SBF2: variants seen among roughly 807,000 people sequenced by gnomAD.
The protein encoded by SBF2 is SET binding factor 2.
Under a neutral mutation model 225.2 loss-of-function variants are expected in SBF2, and 112 were observed. The observed-to-expected ratio is 0.50, with a 90% confidence interval of 0.43 to 0.58. The LOEUF (loss-of-function observed/expected upper bound fraction) is 0.58, where lower values mean the gene tolerates loss of function less well. SBF2 is among the 20% of genes least tolerant of loss of function. The pLI is 0.00. For synonymous variants in SBF2, 763 were observed against 773.3 expected, an observed-to-expected ratio of 0.99 and a Z score of 0.22; for missense variants, 1,996 against 2,206.2, an observed-to-expected ratio of 0.90 and a Z score of 1.91.
intron 19 of SBF2, 23 bp from the exon 20 acceptor site, chr11:9,853,735 T>A (rs1857124035): frequency 1.2e-6 from 2 of 1,609,308 alleles, no homozygotes; most frequent in Admixed American, 1.7e-5. Context: ...AGGAAAGAAA[T>A]CATGGTCAGT....
At chr11:9,950,005 C>T (rs1307434077) in intron 16 of SBF2, among the ~76,000 whole-genome samples, 1 of 151,980 alleles carries the variant, frequency 6.6e-6, no homozygotes, top group African/African-American at 2.4e-5. Context: ...TAAAAAAGCA[C>T]ATTTAAATGC....
chr11:10,009,046 G>C (rs72857194), intron 6 of SBF2, among the ~76,000 whole-genome samples: 8,074 of 152,226 alleles, frequency 0.053, 302 homozygotes, highest in Middle Eastern at 0.16. Context: ...ATGTCCCATA[G>C]CCCTTTTGGG....
intron 2 of SBF2, among the ~76,000 whole-genome samples, chr11:10,080,853 TA>T (rs796736813): frequency 5.9e-5 from 9 of 151,504 alleles, no homozygotes; most frequent in South Asian, 4.2e-4. Flanking sequence ...TCAACAGTAG[TA>T]AAAAAAAGGA....
At chr11:10,167,310 A>C (rs1348372347) in intron 2 of SBF2, among the ~76,000 whole-genome samples, 2 of 152,192 alleles carry the variant, frequency 1.3e-5, no homozygotes, top group Non-Finnish European at 2.9e-5. Flanking sequence ...TAAGATTAAA[A>C]GTCTAGTTAC....
chr11:9,936,873 CA>C (rs1361539093), intron 16 of SBF2, among the ~76,000 whole-genome samples: 3 of 152,116 alleles, frequency 2.0e-5, no homozygotes, highest in Non-Finnish European at 4.4e-5. Flanking sequence ...ATAGTTGCAG[CA>C]AACCAACATG....
rs1186639617 is a variant in SBF2, at chr11:9,842,751, C to G, written c.3130G>C (p.Val1044Leu). ...TSFRTFSKTI[V>L]KGAKRAGKMT... ...TTCCCTGCCCTTTTGGCACCTTTCACAATTGTTTTTGAGAAGGTACTACAA... is the reference window on the plus strand; with the variant it reads ...TTCCCTGCCCTTTTGGCACCTTTCAGAATTGTTTTTGAGAAGGTACTACAA... Residue 1044 changes from valine to leucine, a missense_variant, in exon 25 of 40, where the codon GTG becomes CTG. Physicochemically the swap from Val to Leu is conservative, Grantham distance 32 (BLOSUM62 1). Coordinates refer to ENST00000256190, the MANE Select transcript of SBF2 (RefSeq NM_030962.4). 6.2e-7 allele frequency: 1 copy of G among 1,614,080 alleles called. No homozygotes were observed. Among genetic ancestry groups the G allele is most frequent in the East Asian group, 2.2e-5 (1 of 44,876 alleles).
At chr11:10,127,391 T>C (rs1481142223) in intron 2 of SBF2, among the ~76,000 whole-genome samples, 2 of 152,100 alleles carry the variant, frequency 1.3e-5, no homozygotes, top group African/African-American at 2.4e-5. Context: ...TTTAGGCTGG[T>C]CTTAACCTCA....
intron 32 of SBF2, among the ~76,000 whole-genome samples, chr11:9,805,885 T>C (rs1283256170): frequency 6.6e-6 from 1 of 152,182 alleles, no homozygotes; most frequent in Non-Finnish European, 1.5e-5. Flanking sequence ...CCTCCCAAAG[T>C]GCTGGGATTA....
At chr11:9,853,264 T>C (rs918076310) in intron 20 of SBF2, among the ~76,000 whole-genome samples, 28 of 152,184 alleles carry the variant, frequency 1.8e-4, no homozygotes, top group Non-Finnish European at 2.9e-4. Context: ...TACTGCTTAA[T>C]GGGTAGAGTG....
At chr11:10,149,734 C>G (rs1412816000) in intron 2 of SBF2, among the ~76,000 whole-genome samples, 1 of 152,166 alleles carries the variant, frequency 6.6e-6, no homozygotes, top group East Asian at 1.9e-4. Flanking sequence ...GTAAGTAACT[C>G]TCTCTGCTGT....
intron 17 of SBF2, among the ~76,000 whole-genome samples, chr11:9,886,348 A>T (rs1860299381): frequency 6.6e-6 from 1 of 151,608 alleles, no homozygotes; most frequent in Non-Finnish European, 1.5e-5. Context: ...TATTCCATAG[A>T]TTTTTTTTCC....
chr11:9,926,087 T>G (rs547578181), intron 16 of SBF2, among the ~76,000 whole-genome samples: 9 of 152,380 alleles, frequency 5.9e-5, no homozygotes, highest in Non-Finnish European at 1.0e-4. Context: ...GTTATGAAAC[T>G]GGGCTGTCTC....
intron 17 of SBF2, among the ~76,000 whole-genome samples, chr11:9,885,251 C>CAA (rs71453937): frequency 0.1 from 3,781 of 37,434 alleles, 183 homozygotes; most frequent in Middle Eastern, 0.15. Context: ...ACTTTTCCTC[C>CAA]AAAAAAAAAA....
chr11:10,142,651 C>T (rs558918090), intron 2 of SBF2, among the ~76,000 whole-genome samples: 1 of 152,206 alleles, frequency 6.6e-6, no homozygotes, highest in South Asian at 2.1e-4. Context: ...CTTAGCACTT[C>T]CCCACAAACC....
intron 17 of SBF2, among the ~76,000 whole-genome samples, chr11:9,886,022 T>C (rs1217735818): frequency 6.6e-6 from 1 of 152,196 alleles, no homozygotes; most frequent in Non-Finnish European, 1.5e-5. Context: ...ACATGGTCCC[T>C]TTACCTGTTT....
At chr11:10,285,076 C>G (rs72851620) in intron 1 of SBF2, among the ~76,000 whole-genome samples, 1 of 152,066 alleles carries the variant, frequency 6.6e-6, no homozygotes, top group Admixed American at 6.5e-5. Context: ...TTGGGAAGTT[C>G]AGGCAAAAGG....
rs192726922 is a variant in SBF2 at position 10,240,720 on chromosome 11, T to C, written c.56-46733A>G. Among the ~76,000 whole-genome samples the C allele has an allele frequency of 2.1e-3, 322 of 152,354 alleles. 8 individuals carry two copies. The highest frequency in any genetic ancestry group is 0.015 in the East Asian group (80 of 5,192). On this transcript the variant is annotated intron_variant, in intron 1 of 39. Coordinates refer to ENST00000256190, the MANE Select transcript of SBF2 (RefSeq NM_030962.4). ...CAGTAAAATTCATGGTATTTAATGA[T>C]GTAACTGGTTTGGGGTAATAATTTA...
intron 1 of SBF2, among the ~76,000 whole-genome samples, chr11:10,281,049 G>C (rs982925041): frequency 6.6e-6 from 1 of 152,056 alleles, no homozygotes; most frequent in African/African-American, 2.4e-5. Flanking sequence ...GCCTTCTTCT[G>C]TGTATCTGGA....
At chr11:10,082,886 A>G (rs1737145264) in intron 2 of SBF2, among the ~76,000 whole-genome samples, 1 of 152,220 alleles carries the variant, frequency 6.6e-6, no homozygotes, top group Non-Finnish European at 1.5e-5. Context: ...TCCCAGCCAG[A>G]GCAACCAGGC....
Sources: gnomAD v4.1 joint callset for allele counts (sites outside exome capture counted in the v4.1 genomes callset) on GRCh38, gnomAD v4.1.1 for gene constraint, MANE v1.5 for transcripts, NCBI Gene and HGNC (gene_info 2026-07-23, HGNC 2026-07-21) for gene names.